Variants in SPCS3 observed in about 807,000 individuals in gnomAD.
The protein encoded by SPCS3 is SPase 22 kDa subunit.
In SPCS3, 9 loss-of-function variants were observed where a neutral mutation model predicts 17.2. The ratio of observed to expected loss-of-function variants is 0.52; its 90% confidence interval spans 0.31 to 0.91. The LOEUF (loss-of-function observed/expected upper bound fraction) is 0.91, where lower values mean the gene tolerates loss of function less well. SPCS3 is among the 40% of genes least tolerant of loss of function. The probability of loss-of-function intolerance (pLI) is 0.04; values close to 1 mark genes in which losing one functional copy is unlikely to be tolerated. For synonymous variants in SPCS3, 87 were observed against 89.6 expected (o/e 0.97, Z 0.16); for missense variants, 139 against 217.5 (o/e 0.64, Z 2.27).
intron 3 of SPCS3, among the ~76,000 whole-genome samples, chr4:176,324,925 T>C (rs760283792): frequency 2.4e-4 from 37 of 152,112 alleles, no homozygotes; most frequent in Admixed American, 1.8e-3. Flanking sequence ...ATAACTTGGC[T>C]GAGACACTGT....
At position 176,328,203 on chromosome 4, in the gene SPCS3, A is replaced by C; in HGVS notation, c.416A>C (p.Asn139Thr). ...FFDDGNGLKG[N>T]RNVTLTLSWN... Reference sequence around the variant, plus strand: ...TTTATTATATCTTTTTATAGGGGAAACAGGAATGTCACTTTGACCCTGTCT... The same window carrying C: ...TTTATTATATCTTTTTATAGGGGAACCAGGAATGTCACTTTGACCCTGTCT... Residue 139 changes from asparagine to threonine, a missense_variant, in exon 5 of 5, where the codon AAC becomes ACC. By Grantham distance (65) the Asn-to-Thr change is moderately conservative. Coordinates refer to ENST00000503362, the MANE Select transcript of SPCS3 (RefSeq NM_021928.4). 6.2e-7 allele frequency: 1 copy of C among 1,611,238 alleles called. No homozygotes were observed. Among genetic ancestry groups the C allele is most frequent in the Non-Finnish European group, 8.5e-7 (1 of 1,179,112 alleles).
intron 2 of SPCS3, among the ~76,000 whole-genome samples, chr4:176,322,597 T>C (rs1471036985): frequency 6.6e-6 from 1 of 152,172 alleles, no homozygotes; most frequent in Admixed American, 6.5e-5. Context: ...GAATATTTCA[T>C]GTACAATTTC....
chr4:176,328,486 T>A lies in SPCS3; in HGVS notation c.*156T>A. The A allele has an allele frequency of 2.0e-6, 1 of 487,876 alleles. No individual in the cohort carries two copies. Among genetic ancestry groups the A allele is most frequent in the Non-Finnish European group, 3.3e-6 (1 of 298,916 alleles). The allele number at this position is 487,876 out of a possible 1,614,324, so 30.2% of individuals were successfully genotyped here. A position where few individuals can be genotyped will look rare whatever the true frequency, so the allele number is the denominator to read the frequency against. On this transcript the variant is annotated 3_prime_UTR_variant, in exon 5 of 5. Coordinates refer to ENST00000503362, the MANE Select transcript of SPCS3 (RefSeq NM_021928.4). ...AAGAACTAACATCAAAAGGCCTGTT[T>A]AAAGGGAAAGGTTAATGGGCTACTT...
chr4:176,328,353 A>G lies in SPCS3; in HGVS notation c.*23A>G, dbSNP rs1359634092. 10 of 1,539,818 alleles carry G rather than the reference A, an allele frequency of 6.5e-6. No individual in the cohort carries two copies. In the East Asian group the frequency reaches 1.9e-4, roughly 29 times the overall value. On this transcript the variant is annotated 3_prime_UTR_variant, in exon 5 of 5. Transcript: ENST00000503362. ...TAAATTATTCTGAATTTGAAACAAC[A>G]TATTTTTATACTTAATGAATTGTAT...
At position 176,330,544 on chromosome 4, in the gene SPCS3, C is replaced by T. The variant is rs1420723629; in HGVS notation, c.*2214C>T. 6.6e-6 allele frequency: 1 copy of T among 152,168 alleles called. No individual in the cohort carries two copies. The allele number at this position is 152,168 out of a possible 1,614,324, so 9.4% of individuals were successfully genotyped here. ...ACTAGTACAATGTGGAGAAAGTTTT[C>T]TGTTTGCTTGACTAAGGGAAATTGC... On this transcript the variant is annotated 3_prime_UTR_variant, in exon 5 of 5. Coordinates refer to ENST00000503362, the MANE Select transcript of SPCS3 (RefSeq NM_021928.4).
At chr4:176,323,326 A>G (rs1455979943) in intron 2 of SPCS3, among the ~76,000 whole-genome samples, 2 of 152,108 alleles carry the variant, frequency 1.3e-5, no homozygotes, top group Non-Finnish European at 2.9e-5. Context: ...TGGTATTTAT[A>G]TATTACCAAT....
chr4:176,320,006 G>A lies in SPCS3; in HGVS notation c.-71G>A. ...GCACCGCAGACGGCGCGGATCGCAG[G>A]GAGCCGGTCCGCCGCCGGAACGGGA... On this transcript the variant is annotated 5_prime_UTR_variant, in exon 1 of 5. Coordinates refer to ENST00000503362, the MANE Select transcript of SPCS3 (RefSeq NM_021928.4). The A allele has an allele frequency of 7.1e-7, 1 of 1,410,534 alleles. No individual in the cohort carries two copies. Among genetic ancestry groups the A allele is most frequent in the Non-Finnish European group, 9.4e-7 (1 of 1,068,526 alleles). The allele number at this position is 1,410,534 out of a possible 1,614,324, so 87.4% of individuals were successfully genotyped here.
In SPCS3 at chr4:176,331,489, G is replaced by C. The variant is rs1348628708; in HGVS notation, c.*3159G>C. ...TTTCAAAAAATTGTTGCATGTTTTTGATGCAATTTGGGAAATTGTTTACTT... is the reference window on the plus strand; with the variant it reads ...TTTCAAAAAATTGTTGCATGTTTTTCATGCAATTTGGGAAATTGTTTACTT... On this transcript the variant is annotated 3_prime_UTR_variant, in exon 5 of 5. Transcript: ENST00000503362. 6.6e-6 allele frequency: 1 copy of C among 152,122 alleles called. No homozygotes were observed. Among genetic ancestry groups the C allele is most frequent in the Non-Finnish European group, 1.5e-5 (1 of 68,004 alleles). 9.4% of individuals were successfully genotyped at this position (152,122 alleles called of 1,614,324 possible).
Position 176,328,364 on chromosome 4 carries a change from C to T in SPCS3, c.*34C>T, listed in dbSNP as rs773871178. On this transcript the variant is annotated 3_prime_UTR_variant, in exon 5 of 5. Transcript: ENST00000503362. ...GAATTTGAAACAACATATTTTTATA[C>T]TTAATGAATTGTATCTCATTAATCT... 2.0e-6 allele frequency: 3 copies of T among 1,487,160 alleles called. No individual in the cohort carries two copies. The highest frequency in any genetic ancestry group is 2.7e-6 in the Non-Finnish European group (3 of 1,103,164). The allele number at this position is 1,487,160 out of a possible 1,614,324, so 92.1% of individuals were successfully genotyped here.
chr4:176,323,175 G>A (rs17681035), intron 2 of SPCS3, among the ~76,000 whole-genome samples: 10,086 of 152,122 alleles, frequency 0.066, 377 homozygotes, highest in African/African-American at 0.091. Flanking sequence ...GTGTACCATC[G>A]GAAGAGTCTT....
At chr4:176,322,029 A>G (rs1486747422) in intron 1 of SPCS3, 141 bp from the exon 2 acceptor site, 2 of 511,960 alleles carry the variant, frequency 3.9e-6, no homozygotes, top group East Asian at 3.2e-5. Flanking sequence ...TCACACTTAC[A>G]GGTTTCTCTG....
chr4:176,321,390 G>A (rs942037350), intron 1 of SPCS3: 1 of 152,126 alleles, frequency 6.6e-6, no homozygotes, highest in Admixed American at 6.6e-5. Flanking sequence ...TAATTTTTAG[G>A]TTGTGAGAAT....
In SPCS3 at chr4:176,328,399, C is replaced by A; in HGVS notation, c.*69C>A. 5.2e-6 allele frequency: 6 copies of A among 1,153,524 alleles called. No individual in the cohort carries two copies. Among genetic ancestry groups the A allele is most frequent in the Admixed American group, 3.4e-5 (1 of 29,648 alleles). 71.5% of individuals were successfully genotyped at this position (1,153,524 alleles called of 1,614,324 possible). A position where few individuals can be genotyped will look rare whatever the true frequency, so the allele number is the denominator to read the frequency against. On this transcript the variant is annotated 3_prime_UTR_variant, in exon 5 of 5. Coordinates refer to ENST00000503362, the MANE Select transcript of SPCS3 (RefSeq NM_021928.4). ...TGTATCTCATTAATCTCTTCCCTTA[C>A]ATCTTCATGTATTGTTGGTTTGTTT...
At position 176,331,520 on chromosome 4, in the gene SPCS3, TGTA is replaced by T. The variant is rs1410480187; in HGVS notation, c.*3193_*3195del. ...ATTTGGGAAATTGTTTACTTCACAA[TGTA>T]GTCATTCATAAAAAAATTCATGAAA... On this transcript the variant is annotated 3_prime_UTR_variant, in exon 5 of 5. Coordinates refer to ENST00000503362, the MANE Select transcript of SPCS3 (RefSeq NM_021928.4). 1 of 152,212 alleles carries T rather than the reference TGTA, an allele frequency of 6.6e-6. No individual in the cohort carries two copies. The highest frequency in any genetic ancestry group is 2.4e-5 in the African/African-American group (1 of 41,462). The allele number at this position is 152,212 out of a possible 1,614,324, so 9.4% of individuals were successfully genotyped here.
At chr4:176,325,388 C>T (rs1731593141) in intron 3 of SPCS3, among the ~76,000 whole-genome samples, 1 of 151,976 alleles carries the variant, frequency 6.6e-6, no homozygotes, top group Non-Finnish European at 1.5e-5. Flanking sequence ...ATTCTCTCTC[C>T]ACAGCTGCAA....
chr4:176,328,151 A>ACT, intron 4 of SPCS3, 47 bp from the exon 5 acceptor site: 3 of 1,583,752 alleles, frequency 1.9e-6, no homozygotes, highest in Non-Finnish European at 2.6e-6. Flanking sequence ...ATTTTTTTTG[A>ACT]ACTACTAGTG....
intron 2 of SPCS3, among the ~76,000 whole-genome samples, chr4:176,323,461 ATAAT>A (rs1731563547): frequency 6.6e-6 from 1 of 152,184 alleles, no homozygotes; most frequent in East Asian, 1.9e-4. Context: ...GTGGTTACAC[ATAAT>A]TAATAATGGA....
Position 176,320,236 on chromosome 4 carries a change from C to T in SPCS3, c.143+17C>T, listed in dbSNP as rs756858744. 1 of 1,543,374 alleles carries T rather than the reference C, an allele frequency of 6.5e-7. No individual in the cohort carries two copies. Among genetic ancestry groups the T allele is most frequent in the East Asian group, 2.7e-5 (1 of 36,656 alleles). On this transcript the variant is annotated intron_variant, in intron 1 of 4. Transcript: ENST00000503362. Reference sequence around the variant, plus strand: ...GATCATGCTGTGAGTGAGGCCGGGCCGGCGGTGCAGGACGCCGGGACCGGG... The same window carrying T: ...GATCATGCTGTGAGTGAGGCCGGGCTGGCGGTGCAGGACGCCGGGACCGGG...
intron 1 of SPCS3, chr4:176,320,696 A>T (rs1228248810): frequency 6.5e-6 from 1 of 152,728 alleles, no homozygotes; most frequent in African/African-American, 2.4e-5. Context: ...TGGAGGCCAC[A>T]GGACGGGGTT....
Sources: gnomAD v4.1 joint callset for allele counts (sites outside exome capture counted in the v4.1 genomes callset) on GRCh38, gnomAD v4.1.1 for gene constraint, MANE v1.5 for transcripts, NCBI Gene and HGNC (gene_info 2026-07-23, HGNC 2026-07-21) for gene names.